Variants in PAPPA observed in about 807,000 individuals in gnomAD.
PAPPA encodes pappalysin-1.
Under a neutral mutation model 164.0 loss-of-function variants are expected in PAPPA, and 60 were observed. The ratio of observed to expected loss-of-function variants is 0.37; its 90% CI spans 0.30 to 0.45. The LOEUF (loss-of-function observed/expected upper bound fraction) is 0.45, where lower values mean the gene tolerates loss of function less well. PAPPA is among the 20% of genes least tolerant of loss of function. The pLI is 1.00. For missense variants in PAPPA, 1,782 were observed against 2,087.3 expected, an observed-to-expected ratio of 0.85 and a Z score of 2.85; for synonymous variants, 875 against 814.1, an observed-to-expected ratio of 1.07 and a Z score of -1.27.
intron 5 of PAPPA, among the ~76,000 whole-genome samples, chr9:116,223,709 C>A (rs1014783401): frequency 5.3e-5 from 8 of 152,152 alleles, no homozygotes; most frequent in Non-Finnish European, 1.2e-4. Flanking sequence ...CTGTCTTTAA[C>A]GTATATCACT....
intron 2 of PAPPA, 64 bp downstream of exon 2, chr9:116,188,280 G>C: frequency 8.0e-7 from 1 of 1,252,342 alleles, no homozygotes; most frequent in Non-Finnish European, 1.1e-6. Flanking sequence ...CCATATTATA[G>C]ATAAGGCACC....
At chr9:116,164,766 T>A (rs1843702739) in intron 1 of PAPPA, among the ~76,000 whole-genome samples, 1 of 152,210 alleles carries the variant, frequency 6.6e-6, no homozygotes, top group African/African-American at 2.4e-5. Flanking sequence ...TGACTGCAGA[T>A]CTTTCAGCTC....
intron 7 of PAPPA, among the ~76,000 whole-genome samples, chr9:116,263,806 C>T (rs776540325): frequency 6.6e-6 from 1 of 152,146 alleles, no homozygotes; most frequent in Non-Finnish European, 1.5e-5. Flanking sequence ...GACGAGAGGA[C>T]AAAGTGGAGA....
At position 116,271,326 on chromosome 9, in the gene PAPPA, G is replaced by A; in HGVS notation, c.2863G>A (p.Asp955Asn). 1 of 1,612,938 alleles carries A rather than the reference G, an allele frequency of 6.2e-7. No homozygotes were observed. Among genetic ancestry groups the A allele is most frequent in the Non-Finnish European group, 8.5e-7 (1 of 1,178,896 alleles). Reference protein sequence around the residue: ...GYCGDGIIQKDQGEQCDDMNK... With the variant: ...GYCGDGIIQKNQGEQCDDMNK... ...TTCTCTTCCATATCTGCTCTGCAGA[G>A]ACCAAGGTGAACAATGCGACGACAT... The change falls in exon 9 of 22, where the codon GAC becomes AAC. Residue 955 changes from aspartate (D) to asparagine (N), a missense_variant and splice_region_variant. By Grantham distance (23) the Asp-to-Asn change is conservative. Around this residue, in one of 2 missense-constraint regions of PAPPA, gnomAD observed 1,324 missense variants for 1,656.9 expected, o/e 0.80. Coordinates refer to ENST00000328252, the MANE Select transcript of PAPPA (RefSeq NM_002581.5). This position sits in a 1 kb window ranked among gnomAD's most constrained non-coding sequence, Gnocchi z 4.2.
chr9:116,357,683 TC>T (rs1347906374), intron 17 of PAPPA, among the ~76,000 whole-genome samples: 3 of 152,184 alleles, frequency 2.0e-5, no homozygotes, highest in African/African-American at 7.2e-5. Context: ...CAGGATTTAA[TC>T]CAGCTCAGAT....
At chr9:116,239,237 G>A (rs561384959) in intron 7 of PAPPA, among the ~76,000 whole-genome samples, 8 of 152,286 alleles carry the variant, frequency 5.3e-5, no homozygotes, top group African/African-American at 1.9e-4. Flanking sequence ...GGACCAGAAA[G>A]AAATGTGGAA....
intron 9 of PAPPA, among the ~76,000 whole-genome samples, chr9:116,302,248 G>A (rs969112834): frequency 5.3e-5 from 8 of 152,006 alleles, no homozygotes; most frequent in African/African-American, 1.9e-4. Flanking sequence ...ACAACACAAG[G>A]TCTACCTTCT....
At chr9:116,238,001 G>A (rs1285685416) in intron 7 of PAPPA, among the ~76,000 whole-genome samples, 1 of 152,112 alleles carries the variant, frequency 6.6e-6, no homozygotes, top group African/African-American at 2.4e-5. Flanking sequence ...TTACAGGCAT[G>A]AGCCACTGCA....
In PAPPA at chr9:116,277,026, C is replaced by T. The variant is rs543373973; in HGVS notation, c.2953+5610C>T. 8.5e-5 allele frequency among the ~76,000 whole-genome samples: 13 copies of T among 152,068 alleles called. No homozygotes were observed. The East Asian group carries it at 1.4e-3, about 16-fold the overall frequency. Reference sequence around the variant, plus strand: ...CGCCACGTCTTCTTGGTGGAGGTTCCGATGAGACTTTAGAACAACAGTGAC... The same window carrying T: ...CGCCACGTCTTCTTGGTGGAGGTTCTGATGAGACTTTAGAACAACAGTGAC... On this transcript the variant is annotated intron_variant, in intron 9 of 21. Transcript: ENST00000328252.
chr9:116,279,416 AC>A (rs1351328900), intron 9 of PAPPA, among the ~76,000 whole-genome samples: 1 of 152,122 alleles, frequency 6.6e-6, no homozygotes, highest in Non-Finnish European at 1.5e-5. Context: ...CCTGCCTCAG[AC>A]CAAGGCTTAC....
Position 116,265,904 on chromosome 9 carries a change from C to T in PAPPA, c.2780C>T (p.Ser927Leu), listed in dbSNP as rs1442595270. The T allele has an allele frequency of 6.2e-7, 1 of 1,611,448 alleles. No individual in the cohort carries two copies. The highest frequency in any genetic ancestry group is 1.1e-5 in the South Asian group (1 of 90,980). ...TACCAGTATTGGGTCATAACTATTT[C>T]AGGAACTGAAGAGAGTGAGCCATCA... ...SVYQYWVITI[S>L]GTEESEPSPA... Residue 927 changes from serine to leucine, a missense_variant, in exon 8 of 22, where the codon TCA becomes TTA. By Grantham distance (145) the Ser-to-Leu change is moderately radical. Coordinates refer to ENST00000328252, the MANE Select transcript of PAPPA (RefSeq NM_002581.5).
At chr9:116,222,153 A>G (rs1357203713) in intron 5 of PAPPA, among the ~76,000 whole-genome samples, 1 of 152,210 alleles carries the variant, frequency 6.6e-6, no homozygotes, top group Non-Finnish European at 1.5e-5. Flanking sequence ...TAGTATGCCA[A>G]AGAGATTGCT....
chr9:116,323,961 C>T (rs2118933367), intron 10 of PAPPA, among the ~76,000 whole-genome samples: 1 of 152,268 alleles, frequency 6.6e-6, no homozygotes, highest in South Asian at 2.1e-4. Context: ...CAATTGCAGG[C>T]TCTTTCTACT....
chr9:116,154,698 G>A lies in PAPPA; in HGVS notation c.415+111G>A, dbSNP rs948441883. On this transcript the variant is annotated intron_variant, in intron 1 of 21. Transcript: ENST00000328252. The surrounding 1 kb of genome is among the most constrained non-coding windows in gnomAD (Gnocchi z 5.2). ...CGGGGGCTTGCGGGCGTGTCTGTGC[G>A]AGAGCTGCCCCGCGAGCGGCGCAGA... 16 of 1,191,344 alleles carry A rather than the reference G, an allele frequency of 1.3e-5. No homozygotes were observed. Among genetic ancestry groups the A allele is most frequent in the Non-Finnish European group, 1.7e-5 (16 of 949,474 alleles). The allele number at this position is 1,191,344 out of a possible 1,614,324, so 73.8% of individuals were successfully genotyped here.
intron 4 of PAPPA, among the ~76,000 whole-genome samples, chr9:116,213,765 A>C (rs938441290): frequency 2.0e-4 from 30 of 152,136 alleles, no homozygotes; most frequent in African/African-American, 7.0e-4. Context: ...AGCAGAACTA[A>C]TTCACTGAGC....
At chr9:116,267,603 G>A (rs964905581) in intron 8 of PAPPA, among the ~76,000 whole-genome samples, 1 of 152,168 alleles carries the variant, frequency 6.6e-6, no homozygotes, top group African/African-American at 2.4e-5. Context: ...GCCGGGTGCG[G>A]TGGCTCACGC....
intron 17 of PAPPA, among the ~76,000 whole-genome samples, chr9:116,359,814 G>A (rs1846400360): frequency 6.6e-6 from 1 of 152,220 alleles, no homozygotes; most frequent in Non-Finnish European, 1.5e-5. Context: ...AAGAGATGGA[G>A]CTAGAAATGT....
intron 1 of PAPPA, among the ~76,000 whole-genome samples, chr9:116,177,236 A>G (rs1274837132): frequency 3.9e-5 from 6 of 152,084 alleles, no homozygotes; most frequent in Non-Finnish European, 8.8e-5. Flanking sequence ...TTCCAACCAG[A>G]GCTGCCTCAA....
chr9:116,187,190 G>C lies in PAPPA; in HGVS notation c.452G>C (p.Arg151Pro), dbSNP rs549705388. 1.1e-5 allele frequency: 18 copies of C among 1,613,894 alleles called. No homozygotes were observed. The highest frequency in any genetic ancestry group is 1.4e-5 in the Non-Finnish European group (16 of 1,179,970). ...AAATGTTCTTATATCTCACGTGACC[G>C]AGGATGGGTCGTGGGCATTCACACC... ...YDKCSYISRD[R>P]GWVVGIHTIS... is the part of the protein sequence containing the mutation. Residue 151 changes from arginine to proline, a missense_variant, in exon 2 of 22, where the codon CGA becomes CCA. By Grantham distance (103) the Arg-to-Pro change is moderately radical. This residue lies in a region of PAPPA where 458 missense variants were observed against 430.3 expected (regional missense o/e 1.06). Coordinates refer to ENST00000328252, the MANE Select transcript of PAPPA (RefSeq NM_002581.5). This position sits in a 1 kb window ranked among gnomAD's most constrained non-coding sequence, Gnocchi z 4.2.
Sources: allele counts gnomAD v4.1 joint callset (sites outside exome capture counted in the v4.1 genomes callset), GRCh38; gene constraint gnomAD v4.1.1; regional missense constraint gnomAD v4.1.1; non-coding constraint Gnocchi (gnomAD v3.1); transcripts MANE v1.5; gene names NCBI Gene and HGNC (gene_info 2026-07-23, HGNC 2026-07-21).